IGSF23: variants seen among roughly 807,000 people sequenced by gnomAD.
IGSF23 encodes the protein immunoglobulin superfamily, member 23.
In IGSF23, 14 loss-of-function variants were observed where a neutral mutation model predicts 17.8. The observed-to-expected ratio is 0.79, with a 90% CI of 0.52 to 1.23. The LOEUF (loss-of-function observed/expected upper bound fraction) is 1.23, where lower values mean the gene tolerates loss of function less well. IGSF23 is among the 50% of genes most tolerant of loss of function. The probability of loss-of-function intolerance (pLI) is 0.00; values close to 1 mark genes in which losing one functional copy is unlikely to be tolerated. For missense variants in IGSF23, 214 were observed against 241.7 expected (o/e 0.89, Z 0.76); for synonymous variants, 85 against 92.5 (o/e 0.92, Z 0.46).
intron 2 of IGSF23, among the ~76,000 whole-genome samples, chr19:44,627,114 C>T (rs942695029): frequency 1.3e-5 from 2 of 152,040 alleles, no homozygotes; most frequent in African/African-American, 2.4e-5. Flanking sequence ...GGCAGGGCCT[C>T]GAAGGCTAAG....
At chr19:44,635,953 G>A (rs997878365) in intron 4 of IGSF23, among the ~76,000 whole-genome samples, 2 of 152,084 alleles carry the variant, frequency 1.3e-5, no homozygotes, top group African/African-American at 2.4e-5. Context: ...TGCCAGGCTC[G>A]CTCCTGCATC....
intron 2 of IGSF23, 59 bp from the exon 3 acceptor site, chr19:44,627,361 G>A: frequency 7.0e-7 from 1 of 1,427,954 alleles, no homozygotes; most frequent in Non-Finnish European, 9.3e-7. Context: ...CAGGAGGGAG[G>A]GGTGCACAGG....
intron 1 of IGSF23, among the ~76,000 whole-genome samples, chr19:44,622,775 T>C (rs1972549308): frequency 6.6e-6 from 1 of 152,086 alleles, no homozygotes; most frequent in Non-Finnish European, 1.5e-5. Flanking sequence ...TCCCTTTCCC[T>C]CCTCTCTATG....
chr19:44,633,860 C>A (rs1020617861), intron 3 of IGSF23, among the ~76,000 whole-genome samples: 1 of 152,286 alleles, frequency 6.6e-6, no homozygotes, highest in Admixed American at 6.5e-5. Context: ...TTCCCACATA[C>A]GGCACAATCA....
chr19:44,613,570 G>C lies in IGSF23; in HGVS notation c.-76G>C. The C allele has an allele frequency of 6.8e-7, 1 of 1,461,806 alleles. No homozygotes were observed. The highest frequency in any genetic ancestry group is 2.4e-5 in the Admixed American group (1 of 40,908). 90.6% of individuals were successfully genotyped at this position (1,461,806 alleles called of 1,614,324 possible). A position where few individuals can be genotyped will look rare whatever the true frequency, so the allele number is the denominator to read the frequency against. Reference sequence around the variant, plus strand: ...CCAGGTTGACCTTTGGCCATTCCTTGCCTTTGATGTGAGTGATAGGAGCGG... The same window carrying C: ...CCAGGTTGACCTTTGGCCATTCCTTCCCTTTGATGTGAGTGATAGGAGCGG... On this transcript the variant is annotated 5_prime_UTR_variant, in exon 1 of 5. Transcript: ENST00000402988.
chr19:44,614,683 C>T (rs1352656281), intron 1 of IGSF23, among the ~76,000 whole-genome samples: 2 of 152,210 alleles, frequency 1.3e-5, no homozygotes, highest in East Asian at 2.0e-4. Flanking sequence ...CCTCCTGCCT[C>T]GGCCTCCCCA....
chr19:44,622,619 C>T (rs1972546759), intron 1 of IGSF23, among the ~76,000 whole-genome samples: 1 of 152,196 alleles, frequency 6.6e-6, no homozygotes, highest in Admixed American at 6.5e-5. Context: ...CTGTTCAAAC[C>T]TAAGCCAGCT....
intron 2 of IGSF23, among the ~76,000 whole-genome samples, chr19:44,626,799 G>A (rs1211564005): frequency 6.6e-6 from 1 of 152,050 alleles, no homozygotes; most frequent in African/African-American, 2.4e-5. Flanking sequence ...GCATGTGCCT[G>A]TAATCCCAGC....
intron 1 of IGSF23, among the ~76,000 whole-genome samples, chr19:44,622,776 C>T (rs1324028391): frequency 1.3e-5 from 2 of 152,170 alleles, no homozygotes; most frequent in African/African-American, 4.8e-5. Context: ...CCCTTTCCCT[C>T]CTCTCTATGC....
At chr19:44,635,674 A>C (rs1171645342) in intron 4 of IGSF23, among the ~76,000 whole-genome samples, 2 of 152,222 alleles carry the variant, frequency 1.3e-5, no homozygotes, top group Non-Finnish European at 2.9e-5. Flanking sequence ...AAATTCCTGG[A>C]AGCTGCCTAA....
intron 1 of IGSF23, among the ~76,000 whole-genome samples, chr19:44,619,050 C>T (rs1270412121): frequency 1.3e-5 from 2 of 151,724 alleles, no homozygotes; most frequent in East Asian, 3.9e-4. Context: ...GTAATGCCAG[C>T]ATCTGCTCAG....
chr19:44,623,364 G>T (rs1972562050), intron 1 of IGSF23, among the ~76,000 whole-genome samples: 1 of 152,226 alleles, frequency 6.6e-6, no homozygotes, highest in South Asian at 2.1e-4. Context: ...GGGAGCTGGG[G>T]AATTTATATA....
chr19:44,624,187 TTTTC>T (rs1034781072), intron 2 of IGSF23, among the ~76,000 whole-genome samples: 5 of 152,046 alleles, frequency 3.3e-5, no homozygotes, highest in African/African-American at 4.8e-5. Context: ...CTTCTTCTTC[TTTTC>T]TTTCTTCTTC....
intron 1 of IGSF23, chr19:44,614,041 T>C: frequency 7.2e-7 from 1 of 1,394,148 alleles, no homozygotes; most frequent in Admixed American, 2.1e-5. Context: ...AGGAGGAGAG[T>C]GTCTCCTTAC....
chr19:44,613,966 T>C (rs1972310834), intron 1 of IGSF23, 196 bp downstream of exon 1: 4 of 1,539,296 alleles, frequency 2.6e-6, no homozygotes, highest in Non-Finnish European at 3.5e-6. Flanking sequence ...GCCACACCCC[T>C]ACCTGGAGGA....
chr19:44,635,550 C>A, intron 4 of IGSF23, 85 bp downstream of exon 4: 1 of 902,868 alleles, frequency 1.1e-6, no homozygotes, highest in Non-Finnish European at 1.7e-6. Context: ...GTGATTTCCT[C>A]CCTCCTGGTT....
intron 2 of IGSF23, 24 bp downstream of exon 2, chr19:44,623,996 C>T: frequency 1.3e-6 from 2 of 1,529,412 alleles, no homozygotes; most frequent in South Asian, 1.2e-5. Flanking sequence ...TCCACCCCAC[C>T]CCACCCCACC....
At chr19:44,624,033 G>T in intron 2 of IGSF23, 61 bp downstream of exon 2, 1 of 1,394,880 alleles carries the variant, frequency 7.2e-7, no homozygotes, top group South Asian at 1.4e-5. Flanking sequence ...TCTCCAGCCT[G>T]TGGCAGCCTC....
At chr19:44,627,299 TG>T in intron 2 of IGSF23, 120 bp from the exon 3 acceptor site, 1 of 1,040,288 alleles carries the variant, frequency 9.6e-7, no homozygotes, top group Non-Finnish European at 1.3e-6. Flanking sequence ...GCCAGAGACC[TG>T]GAGGATGGAA....
Sources: allele counts gnomAD v4.1 joint callset (sites outside exome capture counted in the v4.1 genomes callset), GRCh38; gene constraint gnomAD v4.1.1; transcripts MANE v1.5; gene names NCBI Gene and HGNC (gene_info 2026-07-23, HGNC 2026-07-21).